ANKS1B: variants seen among roughly 807,000 people sequenced by gnomAD.
ANKS1B encodes the protein ankyrin repeat and sterile alpha motif domain containing 1B, also known as ankyrin repeat and sterile alpha motif domain-containing protein 1B.
A neutral mutation model predicts 148.3 loss-of-function variants in ANKS1B; 36 were observed. The observed-to-expected ratio is 0.24, with a 90% confidence interval of 0.19 to 0.32. The LOEUF (loss-of-function observed/expected upper bound fraction) is 0.32. Ranked by LOEUF, ANKS1B falls within the 10% of genes least tolerant of loss-of-function variation. The pLI is 1.00. For missense variants in ANKS1B, 1,157 were observed against 1,542.6 expected, an observed-to-expected ratio of 0.75 and a Z score of 4.19; for synonymous variants, 542 against 560.8, an observed-to-expected ratio of 0.97 and a Z score of 0.47.
chr12:99,225,655 G>C (rs1193687661), intron 14 of ANKS1B, among the ~76,000 whole-genome samples: 4 of 152,200 alleles, frequency 2.6e-5, no homozygotes, highest in African/African-American at 9.6e-5. Context: ...GCCTTCATCT[G>C]TCTCCTGTGC....
At chr12:98,865,125 C>T (rs541826839) in intron 17 of ANKS1B, among the ~76,000 whole-genome samples, 3 of 152,262 alleles carry the variant, frequency 2.0e-5, no homozygotes, top group East Asian at 3.9e-4. Flanking sequence ...GCCCTCAGAC[C>T]GCTCAGAACA....
intron 8 of ANKS1B, among the ~76,000 whole-genome samples, chr12:99,663,172 T>C (rs2098486113): frequency 6.6e-6 from 1 of 152,092 alleles, no homozygotes; most frequent in South Asian, 2.1e-4. Context: ...GTTTACTTAT[T>C]CCAAAGCTAT....
intron 1 of ANKS1B, among the ~76,000 whole-genome samples, chr12:99,903,880 T>C (rs1253284392): frequency 6.6e-6 from 1 of 151,902 alleles, no homozygotes; most frequent in Non-Finnish European, 1.5e-5. Flanking sequence ...CCACAATAAC[T>C]TATAGAAAAA....
At chr12:99,231,180 C>A (rs192329622) in intron 14 of ANKS1B, among the ~76,000 whole-genome samples, 77 of 152,200 alleles carry the variant, frequency 5.1e-4, no homozygotes, top group African/African-American at 1.8e-3. Context: ...GGCTATGACT[C>A]ATTTACATAC....
At chr12:99,135,535 G>A (rs1429549894) in intron 15 of ANKS1B, among the ~76,000 whole-genome samples, 1 of 152,146 alleles carries the variant, frequency 6.6e-6, no homozygotes, top group Non-Finnish European at 1.5e-5. Flanking sequence ...ACCGATAAAA[G>A]AAACAACGTC....
intron 12 of ANKS1B, among the ~76,000 whole-genome samples, chr12:99,250,320 A>G (rs1433440543): frequency 6.6e-6 from 1 of 152,254 alleles, no homozygotes; most frequent in Non-Finnish European, 1.5e-5. Context: ...GTTAGTTTGC[A>G]TAAGAAAAGC....
At chr12:99,507,413 T>C (rs772183819) in intron 9 of ANKS1B, among the ~76,000 whole-genome samples, 1 of 151,908 alleles carries the variant, frequency 6.6e-6, no homozygotes, top group Non-Finnish European at 1.5e-5. Context: ...TATATAGGTT[T>C]ATTAGAGAAT....
At chr12:99,071,935 G>A (rs547266629) in intron 16 of ANKS1B, among the ~76,000 whole-genome samples, 7 of 152,228 alleles carry the variant, frequency 4.6e-5, no homozygotes, top group South Asian at 2.1e-4. Flanking sequence ...ATGAGCCACC[G>A]TGCTCTGCCC....
chr12:99,888,969 A>AACACACACATACAC (rs1555228593), intron 1 of ANKS1B, among the ~76,000 whole-genome samples: 2 of 147,196 alleles, frequency 1.4e-5, no homozygotes, highest in African/African-American at 5.1e-5. Flanking sequence ...CCTTCGCCAA[A>AACACACACATACAC]ACACACACAC....
intron 10 of ANKS1B, among the ~76,000 whole-genome samples, chr12:99,490,224 G>T (rs1047333299): frequency 2.0e-5 from 3 of 152,192 alleles, no homozygotes; most frequent in African/African-American, 7.2e-5. Context: ...ATGAATGAAT[G>T]ATTTTATGAA....
intron 1 of ANKS1B, among the ~76,000 whole-genome samples, chr12:99,924,648 A>G (rs2094442612): frequency 6.6e-6 from 1 of 152,152 alleles, no homozygotes; most frequent in Admixed American, 6.5e-5. Flanking sequence ...GAATGGCATT[A>G]GCACCTTTAT....
intron 24 of ANKS1B, among the ~76,000 whole-genome samples, chr12:98,773,775 G>C (rs2098633873): frequency 6.6e-6 from 1 of 152,180 alleles, no homozygotes. Flanking sequence ...AAAAATAATA[G>C]TAATTACTAA....
intron 8 of ANKS1B, among the ~76,000 whole-genome samples, chr12:99,715,083 T>G (rs186153449): frequency 6.6e-6 from 1 of 151,892 alleles, no homozygotes; most frequent in African/African-American, 2.4e-5. Flanking sequence ...AAGCAGAGAT[T>G]GCACCACTGA....
chr12:98,824,132 C>T (rs183537596), intron 19 of ANKS1B, among the ~76,000 whole-genome samples: 96 of 152,268 alleles, frequency 6.3e-4, no homozygotes, highest in African/African-American at 2.1e-3. Flanking sequence ...GTGTTATTAC[C>T]ATATGATATT....
chr12:99,940,547 C>G (rs1477966180), intron 1 of ANKS1B, among the ~76,000 whole-genome samples: 1 of 152,036 alleles, frequency 6.6e-6, no homozygotes, highest in African/African-American at 2.4e-5. Flanking sequence ...CCTGATGAAT[C>G]AAACTGATGA....
chr12:99,380,395 C>T (rs2093590911), intron 12 of ANKS1B, among the ~76,000 whole-genome samples: 1 of 149,262 alleles, frequency 6.7e-6, no homozygotes, highest in Non-Finnish European at 1.5e-5. Flanking sequence ...TTTTGAGCTA[C>T]AATGCTTTTA....
At chr12:99,861,079 T>C (rs2153717790) in intron 1 of ANKS1B, among the ~76,000 whole-genome samples, 1 of 152,304 alleles carries the variant, frequency 6.6e-6, no homozygotes, top group South Asian at 2.1e-4. Context: ...TCAGACCATG[T>C]TCAAATAAGG....
At chr12:98,775,780 G>A (rs1244946358) in intron 24 of ANKS1B, among the ~76,000 whole-genome samples, 3 of 152,062 alleles carry the variant, frequency 2.0e-5, no homozygotes, top group Admixed American at 6.6e-5. Flanking sequence ...TTCCCCAGGA[G>A]CCCAGGACTG....
chr12:99,320,451 A>C (rs1328571723), intron 12 of ANKS1B, among the ~76,000 whole-genome samples: 1 of 152,054 alleles, frequency 6.6e-6, no homozygotes, highest in African/African-American at 2.4e-5. Context: ...TTGATCTTCA[A>C]TCACTGATAC....
Sources: allele counts gnomAD v4.1 joint callset (sites outside exome capture counted in the v4.1 genomes callset), GRCh38; gene constraint gnomAD v4.1.1; transcripts MANE v1.5; gene names NCBI Gene and HGNC (gene_info 2026-07-23, HGNC 2026-07-21).